The following DENND2A variants were observed in gnomAD, a reference collection of about 807,000 sequenced individuals.
DENND2A encodes the protein DENN domain containing 2A.
A neutral mutation model predicts 105.3 loss-of-function variants in DENND2A; 53 were observed. The observed-to-expected ratio is 0.50, with a 90% CI of 0.40 to 0.63. The LOEUF (loss-of-function observed/expected upper bound fraction) is 0.63. Among genes scored for constraint, DENND2A ranks in the 30% least tolerant of loss-of-function variants. DENND2A has a pLI of 0.00. For missense variants in DENND2A, 1,138 were observed against 1,279.6 expected (o/e 0.89, Z 1.69); for synonymous variants, 522 against 508.4 (o/e 1.03, Z -0.36).
chr7:140,604,662 T>C (rs976426164), intron 2 of DENND2A, among the ~76,000 whole-genome samples: 1 of 152,240 alleles, frequency 6.6e-6, no homozygotes, highest in Non-Finnish European at 1.5e-5. Flanking sequence ...TGATGACTGA[T>C]GGTCTACAAC....
intron 18 of DENND2A, among the ~76,000 whole-genome samples, chr7:140,520,572 T>G (rs1340148351): frequency 6.6e-6 from 1 of 151,968 alleles, no homozygotes; most frequent in African/African-American, 2.4e-5. Flanking sequence ...GGGTTTTTTT[T>G]TTTTGAGATA....
At chr7:140,536,967 T>C (rs1293123111) in intron 14 of DENND2A, among the ~76,000 whole-genome samples, 1 of 152,218 alleles carries the variant, frequency 6.6e-6, no homozygotes, top group African/African-American at 2.4e-5. Context: ...CTGCCTAAAA[T>C]TGTGTTTTTC....
chr7:140,546,872 A>G lies in DENND2A; in HGVS notation c.2105T>C (p.Val702Ala). 6.2e-7 allele frequency: 1 copy of G among 1,614,186 alleles called. No homozygotes were observed. The highest frequency in any genetic ancestry group is 8.5e-7 in the Non-Finnish European group (1 of 1,180,018). ...CAGGGCTGGGAAAGGGGCTTCCATG[A>G]CACTTCTCATGAGTGGCTGAACCAG... ...PALVQPLMRS[V>A]MEAPFPALGK... The change falls in exon 13 of 20, where the codon GTC (valine) becomes GCC (alanine). Residue 702 changes from valine to alanine, a missense_variant. Around this residue, in one of 2 missense-constraint regions of DENND2A, gnomAD observed 627 missense variants for 779.8 expected, o/e 0.80. Coordinates refer to ENST00000496613, the MANE Select transcript of DENND2A (RefSeq NM_015689.5).
intron 1 of DENND2A, among the ~76,000 whole-genome samples, chr7:140,635,881 A>G (rs565131389): frequency 6.6e-6 from 1 of 152,342 alleles, no homozygotes; most frequent in East Asian, 1.9e-4. Context: ...CACGTCAGAC[A>G]TTGATTTTAA....
chr7:140,633,120 C>T (rs1053685746), intron 1 of DENND2A, among the ~76,000 whole-genome samples: 1 of 151,944 alleles, frequency 6.6e-6, no homozygotes, highest in African/African-American at 2.4e-5. Context: ...GCTCCGCCTC[C>T]CGCGTTCACA....
intron 5 of DENND2A, 129 bp downstream of exon 5, chr7:140,585,460 T>C (rs1048532385): frequency 2.3e-5 from 30 of 1,329,108 alleles, no homozygotes; most frequent in Non-Finnish European, 3.0e-5. Context: ...GCCAGCGTTG[T>C]ACAAATCCAG....
intron 7 of DENND2A, among the ~76,000 whole-genome samples, chr7:140,569,228 CTTG>C (rs1375121466): frequency 1.3e-5 from 2 of 152,160 alleles, no homozygotes; most frequent in Admixed American, 6.6e-5. Flanking sequence ...CGCCCCGCCT[CTTG>C]TTGTCTCTTT....
Position 140,554,224 on chromosome 7 carries a change from C to CA in DENND2A, c.2037+1411dup, listed in dbSNP as rs879656542. 8.4e-3 allele frequency among the ~76,000 whole-genome samples: 1,135 copies of CA among 135,880 alleles called. 16 individuals carry two copies. The highest frequency in any genetic ancestry group is 0.026 in the African/African-American group (960 of 37,098). The allele number at this position is 135,880 out of a possible 152,430, so 89.1% of individuals were successfully genotyped here. A position where few individuals can be genotyped will look rare whatever the true frequency, so the allele number is the denominator to read the frequency against. On this transcript the variant is annotated intron_variant, in intron 12 of 19. Coordinates refer to ENST00000496613, the MANE Select transcript of DENND2A (RefSeq NM_015689.5). ...CTGGCGACAGAACGAGACTCCGTCTCAAAAAAAAAAAATGCTTTTAGGGAG... is the reference window on the plus strand; with the variant it reads ...CTGGCGACAGAACGAGACTCCGTCTCAAAAAAAAAAAAATGCTTTTAGGGAG...
chr7:140,626,165 A>G (rs1365402094), intron 1 of DENND2A, among the ~76,000 whole-genome samples: 3 of 152,002 alleles, frequency 2.0e-5, no homozygotes, highest in Admixed American at 2.0e-4. Context: ...CGGGCCTTCC[A>G]CTCCTCAATC....
At position 140,594,031 on chromosome 7, in the gene DENND2A, A is replaced by G. The variant is rs28678005; in HGVS notation, c.996-6251T>C. Among the ~76,000 whole-genome samples, 1,321 of 151,472 alleles carry G rather than the reference A, an allele frequency of 8.7e-3. 12 individuals are homozygous for G. Among genetic ancestry groups the G allele is most frequent in the African/African-American group, 0.03 (1,227 of 41,230 alleles). On this transcript the variant is annotated intron_variant, in intron 3 of 19. Coordinates refer to ENST00000496613, the MANE Select transcript of DENND2A (RefSeq NM_015689.5). ...GGCGATTCTCCTGCCTCAGCCTCCC[A>G]AGTAGCTGGGATTACAGGCACCCAC...
chr7:140,565,430 G>T (rs547415914), intron 9 of DENND2A, among the ~76,000 whole-genome samples: 1 of 152,202 alleles, frequency 6.6e-6, no homozygotes, highest in South Asian at 2.1e-4. Flanking sequence ...ATCCCCTAGG[G>T]CCAAGCAGAA....
intron 5 of DENND2A, among the ~76,000 whole-genome samples, chr7:140,575,078 C>T (rs527718170): frequency 3.8e-4 from 58 of 152,058 alleles, no homozygotes; most frequent in African/African-American, 1.4e-3. Context: ...AAATTTAGAA[C>T]CCATAGACGA....
At chr7:140,546,685 G>T in intron 13 of DENND2A, 114 bp downstream of exon 13, 1 of 1,351,436 alleles carries the variant, frequency 7.4e-7, no homozygotes, top group South Asian at 1.4e-5. Context: ...TAGGGGTGGG[G>T]AGAAGACACC....
chr7:140,634,428 A>G (rs375343532), intron 1 of DENND2A, among the ~76,000 whole-genome samples: 15 of 152,298 alleles, frequency 9.8e-5, no homozygotes, highest in African/African-American at 3.6e-4. Flanking sequence ...CCTTAACCCA[A>G]TTGTACCCAC....
At chr7:140,544,925 A>G in intron 13 of DENND2A, 159 bp from the exon 14 acceptor site, 3 of 944,452 alleles carry the variant, frequency 3.2e-6, no homozygotes, top group Non-Finnish European at 3.8e-6. Context: ...ATTGGGGGAA[A>G]AGAAAGATGC....
chr7:140,622,723 C>CCTT (rs144845111), intron 1 of DENND2A, among the ~76,000 whole-genome samples: 2,106 of 151,872 alleles, frequency 0.014, 27 homozygotes, highest in African/African-American at 0.038. Flanking sequence ...AATACTTTTT[C>CCTT]CTTCTTCTTC....
intron 14 of DENND2A, chr7:140,544,258 G>A (rs1796800530): frequency 3.2e-5 from 12 of 370,786 alleles, no homozygotes; most frequent in South Asian, 2.7e-4. Flanking sequence ...GCAGTGGTGA[G>A]ATCTCAGCTC....
intron 9 of DENND2A, among the ~76,000 whole-genome samples, chr7:140,561,010 AC>A (rs1437451223): frequency 2.0e-5 from 3 of 152,152 alleles, no homozygotes; most frequent in African/African-American, 7.2e-5. Flanking sequence ...TTGCTTATGA[AC>A]AGAAATTTGT....
chr7:140,523,299 A>C lies in DENND2A; in HGVS notation c.2665+8T>G. The C allele has an allele frequency of 6.2e-7, 1 of 1,613,912 alleles. No homozygotes were observed. The highest frequency in any genetic ancestry group is 8.5e-7 in the Non-Finnish European group (1 of 1,179,832). On this transcript the variant is annotated splice_region_variant and intron_variant, in intron 17 of 19. Transcript: ENST00000496613. The surrounding 1 kb of genome is among the most constrained non-coding windows in gnomAD (Gnocchi z 4.5). The stretch of plus-strand genomic sequence containing the variant: ...GAGAGACCCACTGGGAGGTGGCTGA[A>C]CACTTACCGTGCCTGCCGTCTAGGG...
Sources: allele counts gnomAD v4.1 joint callset (sites outside exome capture counted in the v4.1 genomes callset), GRCh38; gene constraint gnomAD v4.1.1; regional missense constraint gnomAD v4.1.1; non-coding constraint Gnocchi (gnomAD v3.1); transcripts MANE v1.5; gene names NCBI Gene and HGNC (gene_info 2026-07-23, HGNC 2026-07-21).